EEA1: variants seen among roughly 807,000 people sequenced by gnomAD.
EEA1 encodes early endosome antigen 1, 162kD.
In EEA1, 111 loss-of-function variants were observed where a neutral mutation model predicts 209.2. The ratio of observed to expected loss-of-function variants is 0.53; its 90% confidence interval spans 0.45 to 0.62. EEA1 has a LOEUF of 0.62. Among genes scored for constraint, EEA1 ranks in the 20% least tolerant of loss-of-function variants. The pLI, the probability that EEA1 is intolerant of heterozygous loss-of-function variation, is 0.00. For missense variants in EEA1, 1,343 were observed against 1,530.8 expected (o/e 0.88, Z 2.05); for synonymous variants, 536 against 540.6 (o/e 0.99, Z 0.12).
chr12:92,830,658 A>C (rs2136691305), intron 11 of EEA1, among the ~76,000 whole-genome samples: 1 of 152,304 alleles, frequency 6.6e-6, no homozygotes, highest in South Asian at 2.1e-4. Flanking sequence ...AAAACTAAAG[A>C]CACTTCCATA....
intron 22 of EEA1, among the ~76,000 whole-genome samples, chr12:92,785,685 C>A (rs1372345951): frequency 6.6e-6 from 1 of 152,028 alleles, no homozygotes; most frequent in Non-Finnish European, 1.5e-5. Context: ...TGAATCAGAA[C>A]TAAGATTTAA....
chr12:92,781,858 T>A (rs1873916989), intron 23 of EEA1, 92 bp downstream of exon 23: 13 of 1,125,630 alleles, frequency 1.2e-5, no homozygotes, highest in Non-Finnish European at 1.6e-5. Context: ...AAAATAAGGA[T>A]GATGCCTGTA....
chr12:92,888,335 C>G (rs1592759374), intron 2 of EEA1, among the ~76,000 whole-genome samples: 1 of 152,088 alleles, frequency 6.6e-6, no homozygotes, highest in East Asian at 1.9e-4. Flanking sequence ...AATGCCAGCA[C>G]TTTGGGAGGC....
intron 3 of EEA1, among the ~76,000 whole-genome samples, chr12:92,861,365 G>A (rs1878140560): frequency 1.3e-5 from 2 of 152,200 alleles, no homozygotes; most frequent in Non-Finnish European, 2.9e-5. Flanking sequence ...TGAAGCAGGA[G>A]AATCGCTTGG....
intron 1 of EEA1, among the ~76,000 whole-genome samples, chr12:92,912,933 C>T (rs1274054459): frequency 3.9e-5 from 6 of 152,158 alleles, no homozygotes; most frequent in Non-Finnish European, 8.8e-5. Context: ...TTTCTTTATC[C>T]AATCATCTGT....
intron 1 of EEA1, among the ~76,000 whole-genome samples, chr12:92,903,084 G>A (rs904919807): frequency 1.3e-5 from 2 of 151,168 alleles, no homozygotes; most frequent in East Asian, 2.0e-4. Context: ...ACAGGCACCC[G>A]CCACCACACC....
chr12:92,839,585 A>C (rs1877078727), intron 10 of EEA1, among the ~76,000 whole-genome samples: 1 of 152,222 alleles, frequency 6.6e-6, no homozygotes, highest in South Asian at 2.1e-4. Flanking sequence ...GGTTTCCAAA[A>C]ATGTGAAACA....
intron 13 of EEA1, among the ~76,000 whole-genome samples, chr12:92,824,670 G>A (rs987497642): frequency 1.7e-4 from 26 of 152,062 alleles, no homozygotes; most frequent in African/African-American, 5.8e-4. Flanking sequence ...TCTTTTCAAA[G>A]AGGCCTAACA....
intron 2 of EEA1, among the ~76,000 whole-genome samples, chr12:92,871,461 T>G (rs1878641237): frequency 6.6e-6 from 1 of 152,224 alleles, no homozygotes; most frequent in African/African-American, 2.4e-5. Flanking sequence ...ATTTTCATCG[T>G]GCACTTTCTG....
intron 15 of EEA1, among the ~76,000 whole-genome samples, chr12:92,815,996 A>AG (rs532395276): frequency 1.3e-3 from 189 of 150,896 alleles, no homozygotes; most frequent in African/African-American, 4.5e-3. Context: ...GGCAGAAGGG[A>AG]GGAGGGAGGG....
At chr12:92,894,971 G>A (rs1025452975) in intron 1 of EEA1, among the ~76,000 whole-genome samples, 1 of 152,088 alleles carries the variant, frequency 6.6e-6, no homozygotes, top group African/African-American at 2.4e-5. Context: ...TTCTTGTTAG[G>A]GGTTAATGCA....
intron 1 of EEA1, among the ~76,000 whole-genome samples, chr12:92,902,129 C>T (rs1048488396): frequency 1.3e-5 from 2 of 152,050 alleles, no homozygotes; most frequent in Non-Finnish European, 2.9e-5. Flanking sequence ...AGGAAGTCAA[C>T]GCTGCAGTGA....
rs553202998 is a variant in EEA1 at position 92,782,004 on chromosome 12, T to C, written c.3282A>G (p.Lys1094=). ...KATLEQDSAK[K]EQQLQERCKA... ...TACATCGCTCCTGCAATTGCTGTTC[T>C]TTCTTTGCTGAATCCTGCTCCAATG... Residue 1094 remains lysine (K), a synonymous_variant, in exon 23 of 29, where the codon AAA becomes AAG. Transcript: ENST00000322349. 1.1e-4 allele frequency: 180 copies of C among 1,613,438 alleles called. No individual in the cohort carries two copies. Among genetic ancestry groups the C allele is most frequent in the East Asian group, 8.5e-4 (38 of 44,822 alleles).
At chr12:92,899,408 C>T (rs1880062246) in intron 1 of EEA1, among the ~76,000 whole-genome samples, 1 of 152,218 alleles carries the variant, frequency 6.6e-6, no homozygotes, top group Non-Finnish European at 1.5e-5. Context: ...AGCACTACCT[C>T]CTGCCTCAGC....
At chr12:92,880,939 A>C (rs1447114317) in intron 2 of EEA1, among the ~76,000 whole-genome samples, 2 of 152,200 alleles carry the variant, frequency 1.3e-5, no homozygotes, top group Non-Finnish European at 2.9e-5. Context: ...TAGTGATCTC[A>C]GGAGACAAGG....
At chr12:92,807,692 A>G (rs973672831) in intron 18 of EEA1, among the ~76,000 whole-genome samples, 16 of 152,176 alleles carry the variant, frequency 1.1e-4, no homozygotes, top group Admixed American at 4.6e-4. Flanking sequence ...GCATTAAAAA[A>G]ATATTCAGGA....
chr12:92,788,915 T>C (rs1874260606), intron 21 of EEA1, among the ~76,000 whole-genome samples: 1 of 152,176 alleles, frequency 6.6e-6, no homozygotes, highest in Non-Finnish European at 1.5e-5. Flanking sequence ...TAGCTCCTTT[T>C]CCTCTGCTAC....
At chr12:92,861,337 C>G (rs11836699) in intron 3 of EEA1, among the ~76,000 whole-genome samples, 38,586 of 152,008 alleles carry the variant, frequency 0.25, 5,433 homozygotes, top group Non-Finnish European at 0.32. Flanking sequence ...TGCCTGTATT[C>G]CCAGCTACTC....
At chr12:92,902,986 G>A (rs1880215540) in intron 1 of EEA1, among the ~76,000 whole-genome samples, 2 of 149,312 alleles carry the variant, frequency 1.3e-5, no homozygotes, top group Non-Finnish European at 3.0e-5. Context: ...CCAGGCTGGA[G>A]TGCAGCGGCG....
Sources: allele counts gnomAD v4.1 joint callset (sites outside exome capture counted in the v4.1 genomes callset), GRCh38; gene constraint gnomAD v4.1.1; transcripts MANE v1.5; gene names NCBI Gene and HGNC (gene_info 2026-07-23, HGNC 2026-07-21).